The following SLIT2 variants were observed in gnomAD, a reference collection of about 807,000 sequenced individuals.
The protein encoded by SLIT2 is slit guidance ligand 2.
Under a neutral mutation model 185.7 loss-of-function variants are expected in SLIT2, and 41 were observed. That is an observed-to-expected ratio of 0.22 (90% confidence interval 0.17 to 0.29). SLIT2 has a LOEUF of 0.29. Among genes scored for constraint, SLIT2 ranks in the 10% least tolerant of loss-of-function variants. The pLI is 1.00. For synonymous variants in SLIT2, 693 were observed against 680.2 expected, an observed-to-expected ratio of 1.02 and a Z score of -0.29; for missense variants, 1,571 against 1,909.0, an observed-to-expected ratio of 0.82 and a Z score of 3.30.
At chr4:20,374,247 A>G (rs879800071) in intron 4 of SLIT2, among the ~76,000 whole-genome samples, 3 of 152,132 alleles carry the variant, frequency 2.0e-5, no homozygotes, top group African/African-American at 4.8e-5. Context: ...TGTGTTTGCT[A>G]GGATTGCTAT....
intron 18 of SLIT2, 84 bp downstream of exon 18, chr4:20,533,799 C>T: frequency 8.3e-7 from 1 of 1,204,252 alleles, no homozygotes; most frequent in African/African-American, 1.5e-5. Context: ...AGAGAAACAC[C>T]TACTTTTACC....
chr4:20,386,308 G>A (rs1437249355), intron 4 of SLIT2, among the ~76,000 whole-genome samples: 1 of 152,146 alleles, frequency 6.6e-6, no homozygotes. Flanking sequence ...TTACTCTTCA[G>A]TAACTTTACA....
At chr4:20,394,246 G>A (rs1353347928) in intron 4 of SLIT2, among the ~76,000 whole-genome samples, 2 of 151,892 alleles carry the variant, frequency 1.3e-5, no homozygotes, top group Non-Finnish European at 2.9e-5. Context: ...CTAAGGAAAG[G>A]AAAATAAAGC....
At chr4:20,487,476 T>C (rs1369603566) in intron 7 of SLIT2, among the ~76,000 whole-genome samples, 1 of 152,228 alleles carries the variant, frequency 6.6e-6, no homozygotes, top group Non-Finnish European at 1.5e-5. Flanking sequence ...TATTTTCTTG[T>C]AGAAATTCGT....
intron 31 of SLIT2, 72 bp from the exon 32 acceptor site, chr4:20,596,343 T>C: frequency 7.1e-7 from 1 of 1,417,200 alleles, no homozygotes; most frequent in Non-Finnish European, 9.8e-7. Context: ...AGTTATGTTA[T>C]ACAGCTCTCA....
intron 4 of SLIT2, among the ~76,000 whole-genome samples, chr4:20,291,004 C>G (rs915746188): frequency 6.6e-6 from 1 of 151,906 alleles, no homozygotes; most frequent in Non-Finnish European, 1.5e-5. Flanking sequence ...CCCTCCCAAT[C>G]CAGGGGTGGC....
rs767595141 is a variant in SLIT2, at chr4:20,546,109, A to G, written c.2345+10A>G. The G allele has an allele frequency of 3.3e-6, 5 of 1,503,214 alleles. No individual in the cohort carries two copies. The highest frequency in any genetic ancestry group is 2.8e-5 in the African/African-American group (2 of 72,192). 93.1% of individuals were successfully genotyped at this position (1,503,214 alleles called of 1,614,324 possible). A position where few individuals can be genotyped will look rare whatever the true frequency, so the allele number is the denominator to read the frequency against. On this transcript the variant is annotated intron_variant, in intron 22 of 36. Coordinates refer to ENST00000504154, the MANE Select transcript of SLIT2 (RefSeq NM_004787.4). Reference sequence around the variant, plus strand: ...AACATTTAACACTTATGTGAGTAACATATTGCACTTTTCTTTGACTTACTC... The same window carrying G: ...AACATTTAACACTTATGTGAGTAACGTATTGCACTTTTCTTTGACTTACTC...
intron 34 of SLIT2, 128 bp downstream of exon 34, chr4:20,610,295 A>G (rs1330968810): frequency 4.0e-6 from 3 of 745,378 alleles, no homozygotes; most frequent in Non-Finnish European, 4.1e-6. Flanking sequence ...TCATTGAAAG[A>G]TGGATGGCAA....
chr4:20,533,529 T>A (rs771401940), intron 17 of SLIT2, 43 bp from the exon 18 acceptor site: 2 of 1,466,578 alleles, frequency 1.4e-6, no homozygotes, highest in African/African-American at 2.8e-5. Context: ...TCCCACCTTG[T>A]TAGAAATTAT....
At chr4:20,362,221 C>G (rs1722795354) in intron 4 of SLIT2, among the ~76,000 whole-genome samples, 1 of 152,070 alleles carries the variant, frequency 6.6e-6, no homozygotes, top group African/African-American at 2.4e-5. Flanking sequence ...ACCATGTTAT[C>G]AAGGATGGTT....
intron 4 of SLIT2, among the ~76,000 whole-genome samples, chr4:20,396,775 A>G (rs1360268370): frequency 1.3e-5 from 2 of 148,918 alleles, no homozygotes; most frequent in East Asian, 3.9e-4. Flanking sequence ...TTGTGTATGC[A>G]TATGTGGTTT....
At chr4:20,503,934 A>G (rs1394180494) in intron 9 of SLIT2, among the ~76,000 whole-genome samples, 1 of 152,186 alleles carries the variant, frequency 6.6e-6, no homozygotes, top group Non-Finnish European at 1.5e-5. Context: ...GTATCACTCT[A>G]GGGCTAATAT....
intron 5 of SLIT2, among the ~76,000 whole-genome samples, chr4:20,470,484 CTGTGTGTGTGTGTGTGTGTGTG>C (rs540814034): frequency 7.7e-6 from 1 of 129,216 alleles, no homozygotes; most frequent in South Asian, 2.8e-4. Flanking sequence ...GCAGTGGAGT[CTGTGTGTGTGTGTGTGTGTGTG>C]TGTGTGTGTG....
chr4:20,353,959 A>G (rs1370945261), intron 4 of SLIT2, among the ~76,000 whole-genome samples: 1 of 152,204 alleles, frequency 6.6e-6, no homozygotes, highest in Non-Finnish European at 1.5e-5. Context: ...ATAATAAAGT[A>G]TACTTCCCAT....
chr4:20,300,516 C>T (rs552846245), intron 4 of SLIT2, among the ~76,000 whole-genome samples: 1 of 152,090 alleles, frequency 6.6e-6, no homozygotes, highest in African/African-American at 2.4e-5. Flanking sequence ...CCTTAATTCC[C>T]TAGTTAGCTA....
intron 3 of SLIT2, among the ~76,000 whole-genome samples, chr4:20,261,090 G>A (rs1577335090): frequency 6.6e-6 from 1 of 151,792 alleles, no homozygotes; most frequent in East Asian, 1.9e-4. Flanking sequence ...GTTTGTTTCT[G>A]CACTCTCAGA....
chr4:20,380,970 C>T (rs1423571694), intron 4 of SLIT2, among the ~76,000 whole-genome samples: 1 of 151,992 alleles, frequency 6.6e-6, no homozygotes, highest in African/African-American at 2.4e-5. Context: ...AATAAAATTG[C>T]TGGCTGGGTG....
intron 5 of SLIT2, among the ~76,000 whole-genome samples, chr4:20,469,616 A>T (rs966318800): frequency 6.6e-6 from 1 of 152,026 alleles, no homozygotes; most frequent in Non-Finnish European, 1.5e-5. Context: ...ATTATCATTT[A>T]TGCAGTTAGA....
Position 20,550,877 on chromosome 4 carries a change from A to G in SLIT2, c.2540A>G (p.Asp847Gly), listed in dbSNP as rs762758530. The G allele has an allele frequency of 1.2e-6, 2 of 1,603,944 alleles. No individual in the cohort carries two copies. The highest frequency in any genetic ancestry group is 1.1e-5 in the South Asian group (1 of 90,728). Reference sequence around the variant, plus strand: ...GTTGTGCCTGAAGGTGCTTTCAATGATCTTTCTGCATTATCACATCTGTGA... The same window carrying G: ...GTTGTGCCTGAAGGTGCTTTCAATGGTCTTTCTGCATTATCACATCTGTGA... ...ISVVPEGAFN[D>G]LSALSHLAIG... Residue 847 changes from aspartate to glycine, a missense_variant, in exon 25 of 37, where the codon GAT (aspartate) becomes GGT (glycine). Asp to Gly is a moderately conservative substitution (Grantham distance 94). Transcript: ENST00000504154.
Sources: allele counts gnomAD v4.1 joint callset (sites outside exome capture counted in the v4.1 genomes callset), GRCh38; gene constraint gnomAD v4.1.1; transcripts MANE v1.5; gene names NCBI Gene and HGNC (gene_info 2026-07-23, HGNC 2026-07-21).